PRKD1: variants seen among roughly 807,000 people sequenced by gnomAD.
PRKD1 encodes the protein serine/threonine-protein kinase D1.
PRKD1 carries 63 observed loss-of-function variants against 95.9 expected under a neutral mutation model. The ratio of observed to expected loss-of-function variants is 0.66; its 90% CI spans 0.54 to 0.81. PRKD1 has a LOEUF of 0.81. Ranked by LOEUF, PRKD1 falls within the 30% of genes least tolerant of loss-of-function variation. The pLI is 0.00. For missense variants in PRKD1, 1,048 were observed against 1,165.3 expected (o/e 0.90, Z 1.47); for synonymous variants, 425 against 423.1 (o/e 1.00, Z -0.05).
At chr14:29,586,467 T>C (rs1892932741) in intron 16 of PRKD1, among the ~76,000 whole-genome samples, 1 of 152,178 alleles carries the variant, frequency 6.6e-6, no homozygotes, top group South Asian at 2.1e-4. Context: ...AGTACAGAAT[T>C]GGAAAATCTG....
At chr14:29,631,058 A>C in intron 9 of PRKD1, 37 bp from the exon 10 acceptor site, 1 of 1,534,994 alleles carries the variant, frequency 6.5e-7, no homozygotes, top group Admixed American at 1.9e-5. Context: ...TTGTTTATCA[A>C]AAGTATGTAA....
At chr14:29,712,385 G>A (rs1345634316) in intron 2 of PRKD1, among the ~76,000 whole-genome samples, 1 of 151,898 alleles carries the variant, frequency 6.6e-6, no homozygotes, top group African/African-American at 2.4e-5. Flanking sequence ...AAACTTCTGA[G>A]GAAAATAAAA....
At chr14:29,908,978 T>C (rs1446149618) in intron 1 of PRKD1, among the ~76,000 whole-genome samples, 1 of 152,146 alleles carries the variant, frequency 6.6e-6, no homozygotes, top group Non-Finnish European at 1.5e-5. Flanking sequence ...CTCCCTCTGC[T>C]TGCAGTGAGG....
chr14:29,759,095 G>A (rs762941155), intron 1 of PRKD1, among the ~76,000 whole-genome samples: 20 of 152,178 alleles, frequency 1.3e-4, no homozygotes, highest in Admixed American at 9.2e-4. Flanking sequence ...GCATTCCCTA[G>A]TCTAAGGAGA....
intron 13 of PRKD1, among the ~76,000 whole-genome samples, chr14:29,621,763 G>T (rs1195873068): frequency 1.3e-5 from 2 of 152,138 alleles, no homozygotes; most frequent in African/African-American, 2.4e-5. Context: ...ACAGTGTTTG[G>T]CTCATAATAT....
Position 29,896,762 on chromosome 14 carries a change from T to A in PRKD1, c.264+30487A>T, listed in dbSNP as rs148582688. Among the ~76,000 whole-genome samples the A allele has an allele frequency of 2.2e-4, 33 of 150,436 alleles. No individual in the cohort carries two copies. The East Asian group carries it at 6.0e-3, about 27-fold the overall frequency. On this transcript the variant is annotated intron_variant, in intron 1 of 17. Coordinates refer to ENST00000331968, the MANE Select transcript of PRKD1 (RefSeq NM_002742.3). ...AACAGGGAGAGAGCAGGAACCTCCT[T>A]GCCTTCTGTCACCATAACCGACATG... is the stretch of plus-strand genomic sequence containing the variant.
intron 4 of PRKD1, among the ~76,000 whole-genome samples, chr14:29,651,147 CAACTT>C (rs1392122495): frequency 1.3e-5 from 2 of 152,134 alleles, no homozygotes; most frequent in African/African-American, 4.8e-5. Context: ...GATTTTAATG[CAACTT>C]AATTACAAAA....
intron 1 of PRKD1, among the ~76,000 whole-genome samples, chr14:29,883,056 T>A (rs1279034750): frequency 6.6e-6 from 1 of 152,176 alleles, no homozygotes. Flanking sequence ...GCCTGGCTTC[T>A]GGGGAGGCCT....
intron 1 of PRKD1, among the ~76,000 whole-genome samples, chr14:29,794,102 C>T (rs1160746288): frequency 6.6e-6 from 1 of 151,950 alleles, no homozygotes; most frequent in Non-Finnish European, 1.5e-5. Flanking sequence ...TCAAATCTCA[C>T]CTATAATTTT....
At position 29,639,643 on chromosome 14, in the gene PRKD1, TAAAAGA is replaced by T. The variant is rs1463381248; in HGVS notation, c.697-745_697-740del. ...TCAAAAAAAATAAATAAATAAATAATAAAAGAAAAAGAAAAAGAAAGAAAGAAAGAA... is the reference window on the plus strand; with the variant it reads ...TCAAAAAAAATAAATAAATAAATAATAAAAGAAAAAGAAAGAAAGAAAGAA... On this transcript the variant is annotated intron_variant, in intron 4 of 17. Transcript: ENST00000331968. 3.1e-4 allele frequency among the ~76,000 whole-genome samples: 45 copies of T among 147,058 alleles called. No individual in the cohort carries two copies. The South Asian group carries it at 7.1e-3, about 23-fold the overall frequency.
intron 4 of PRKD1, among the ~76,000 whole-genome samples, chr14:29,647,139 A>G (rs1735897423): frequency 1.3e-5 from 2 of 152,206 alleles, no homozygotes; most frequent in Non-Finnish European, 2.9e-5. Context: ...TATACCATGG[A>G]GAATCCATTT....
chr14:29,827,145 G>A (rs1021108738), intron 1 of PRKD1, among the ~76,000 whole-genome samples: 1 of 151,186 alleles, frequency 6.6e-6, no homozygotes, highest in Non-Finnish European at 1.5e-5. Context: ...TCAGGTGATG[G>A]GTGCACCAAA....
At chr14:29,755,025 A>C (rs973225912) in intron 1 of PRKD1, among the ~76,000 whole-genome samples, 3 of 152,088 alleles carry the variant, frequency 2.0e-5, no homozygotes, top group Admixed American at 2.0e-4. Context: ...TAATTCCTAC[A>C]TACTTTATAC....
chr14:29,820,781 A>T (rs1408367516), intron 1 of PRKD1, among the ~76,000 whole-genome samples: 1 of 152,208 alleles, frequency 6.6e-6, no homozygotes, highest in Non-Finnish European at 1.5e-5. Flanking sequence ...AAAGGTAAAG[A>T]AAGGGAAGGG....
Position 29,697,788 on chromosome 14 carries a change from T to C in PRKD1, c.403+27748A>G, listed in dbSNP as rs540904614. On this transcript the variant is annotated intron_variant, in intron 2 of 17. Transcript: ENST00000331968. ...AACTTTAACAAACAGTAAGCTTTAA[T>C]GTATTCCTGTTTGACATAATGAAAT... 2.6e-5 allele frequency among the ~76,000 whole-genome samples: 4 copies of C among 152,316 alleles called. No homozygotes were observed. In the East Asian group the frequency reaches 7.7e-4, roughly 29 times the overall value.
At chr14:29,863,488 G>A (rs1025212502) in intron 1 of PRKD1, among the ~76,000 whole-genome samples, 5 of 151,820 alleles carry the variant, frequency 3.3e-5, no homozygotes, top group African/African-American at 4.8e-5. Context: ...CCTTTCTCTC[G>A]AAATCTCTCA....
At chr14:29,802,032 T>A (rs1003731803) in intron 1 of PRKD1, among the ~76,000 whole-genome samples, 7 of 152,100 alleles carry the variant, frequency 4.6e-5, no homozygotes, top group African/African-American at 1.7e-4. Context: ...ATTAATACAT[T>A]CCTGGCAAAT....
At chr14:29,777,773 T>G (rs1888840980) in intron 1 of PRKD1, among the ~76,000 whole-genome samples, 1 of 152,148 alleles carries the variant, frequency 6.6e-6, no homozygotes, top group African/African-American at 2.4e-5. Context: ...GGAATTGAAC[T>G]CAGCTCTGCA....
At chr14:29,833,976 C>T (rs952862083) in intron 1 of PRKD1, among the ~76,000 whole-genome samples, 9 of 152,090 alleles carry the variant, frequency 5.9e-5, no homozygotes, top group Admixed American at 1.3e-4. Context: ...AGGAACACAG[C>T]TCACTTCCTA....
Sources: gnomAD v4.1 joint callset for allele counts (sites outside exome capture counted in the v4.1 genomes callset) on GRCh38, gnomAD v4.1.1 for gene constraint, MANE v1.5 for transcripts, NCBI Gene and HGNC (gene_info 2026-07-23, HGNC 2026-07-21) for gene names.